Variants in UEVLD observed in about 807,000 individuals in gnomAD.
UEVLD encodes the protein ubiquitin-conjugating enzyme E2 variant 3.
In UEVLD, 47 loss-of-function variants were observed where a neutral mutation model predicts 58.6. The observed-to-expected ratio is 0.80, with a 90% CI of 0.63 to 1.02. The LOEUF is 1.02. Ranked by LOEUF, UEVLD falls within the 50% of genes least tolerant of loss-of-function variation. UEVLD has a pLI of 0.00. For synonymous variants in UEVLD, 197 were observed against 195.3 expected, an observed-to-expected ratio of 1.01 and a Z score of -0.07; for missense variants, 510 against 550.6, an observed-to-expected ratio of 0.93 and a Z score of 0.74.
intron 7 of UEVLD, among the ~76,000 whole-genome samples, chr11:18,557,690 C>T (rs1014070877): frequency 2.0e-5 from 3 of 151,386 alleles, no homozygotes; most frequent in African/African-American, 4.9e-5. Flanking sequence ...CAGCCTCCCA[C>T]GTAGCTGGGA....
intron 8 of UEVLD, among the ~76,000 whole-genome samples, chr11:18,545,950 T>C (rs1016170676): frequency 2.0e-5 from 3 of 152,218 alleles, no homozygotes; most frequent in African/African-American, 7.2e-5. Context: ...CAGTGTCGCA[T>C]TATGAATGAA....
intron 8 of UEVLD, among the ~76,000 whole-genome samples, chr11:18,545,074 A>ATATATATATATATTTT (rs1345787784): frequency 1.2e-5 from 1 of 84,572 alleles, no homozygotes. Flanking sequence ...CTATATCTAT[A>ATATATATATATATTTT]TTTTTTTTTT....
intron 1 of UEVLD, among the ~76,000 whole-genome samples, chr11:18,579,057 C>T (rs1853095206): frequency 6.6e-6 from 1 of 151,708 alleles, no homozygotes; most frequent in Non-Finnish European, 1.5e-5. Flanking sequence ...TTAGTAGAGG[C>T]AGGGTTTTGC....
At chr11:18,579,294 A>G (rs1853109714) in intron 1 of UEVLD, 1 of 219,118 alleles carries the variant, frequency 4.6e-6, no homozygotes, top group Non-Finnish European at 7.7e-6. Context: ...ACTGCTCTAT[A>G]GGAGCAGGAG....
chr11:18,548,912 C>T (rs1477150717), intron 7 of UEVLD, among the ~76,000 whole-genome samples: 1 of 152,144 alleles, frequency 6.6e-6, no homozygotes, highest in Non-Finnish European at 1.5e-5. Context: ...TTGTAGGATT[C>T]ACAGTAGATA....
intron 9 of UEVLD, among the ~76,000 whole-genome samples, chr11:18,544,294 G>A (rs1478028067): frequency 6.6e-6 from 1 of 152,150 alleles, no homozygotes; most frequent in Non-Finnish European, 1.5e-5. Flanking sequence ...GGCAATTTTG[G>A]TTGTAACTAA....
chr11:18,562,898 T>C (rs1852111726), intron 6 of UEVLD, among the ~76,000 whole-genome samples: 1 of 151,792 alleles, frequency 6.6e-6, no homozygotes. Flanking sequence ...AACTAAAAAT[T>C]ACCTAGGTGT....
intron 8 of UEVLD, among the ~76,000 whole-genome samples, chr11:18,545,974 T>C (rs1851289490): frequency 6.6e-6 from 1 of 152,188 alleles, no homozygotes; most frequent in Admixed American, 6.6e-5. Flanking sequence ...ACAACTACTT[T>C]TTTCTTACAT....
At chr11:18,534,868 C>A (rs1850722868) in intron 10 of UEVLD, among the ~76,000 whole-genome samples, 1 of 152,166 alleles carries the variant, frequency 6.6e-6, no homozygotes, top group African/African-American at 2.4e-5. Flanking sequence ...AACGTCTGAT[C>A]TAGAAATTCC....
At chr11:18,536,082 C>T (rs1158394316) in intron 10 of UEVLD, among the ~76,000 whole-genome samples, 1 of 152,126 alleles carries the variant, frequency 6.6e-6, no homozygotes, top group Non-Finnish European at 1.5e-5. Context: ...TGCAGTGAGC[C>T]GAGATCGCGC....
intron 9 of UEVLD, among the ~76,000 whole-genome samples, chr11:18,543,429 G>C (rs376498432): frequency 6.6e-6 from 1 of 152,066 alleles, no homozygotes; most frequent in Non-Finnish European, 1.5e-5. Context: ...ACTTAACTTC[G>C]TGCTTTTGCC....
rs1850509722 is a variant in UEVLD, at chr11:18,530,138, T to C, written c.*2182A>G. ...ATATTACATATTATCTAACTTTAATTAGATATCAAATATTAGAAAAGGCTA... is the reference window on the plus strand; with the variant it reads ...ATATTACATATTATCTAACTTTAATCAGATATCAAATATTAGAAAAGGCTA... On this transcript the variant is annotated 3_prime_UTR_variant, in exon 12 of 12. Coordinates refer to ENST00000396197, the MANE Select transcript of UEVLD (RefSeq NM_001040697.4). The C allele has an allele frequency of 6.6e-6, 1 of 152,218 alleles. No individual in the cohort carries two copies. Among genetic ancestry groups the C allele is most frequent in the Non-Finnish European group, 1.5e-5 (1 of 68,040 alleles). 9.4% of individuals were successfully genotyped at this position (152,218 alleles called of 1,614,324 possible). A position where few individuals can be genotyped will look rare whatever the true frequency, so the allele number is the denominator to read the frequency against.
At chr11:18,573,502 G>A (rs1852737463) in intron 3 of UEVLD, among the ~76,000 whole-genome samples, 1 of 152,178 alleles carries the variant, frequency 6.6e-6, no homozygotes, top group Admixed American at 6.5e-5. Flanking sequence ...CCAGGAAACA[G>A]TCTAAAAGCT....
chr11:18,584,643 G>GT (rs764575755), intron 1 of UEVLD, among the ~76,000 whole-genome samples: 1 of 151,936 alleles, frequency 6.6e-6, no homozygotes, highest in Non-Finnish European at 1.5e-5. Flanking sequence ...TGTTTGCTTT[G>GT]TTTTTTTGAG....
At chr11:18,532,769 G>A (rs758755827) in intron 11 of UEVLD, among the ~76,000 whole-genome samples, 5 of 152,120 alleles carry the variant, frequency 3.3e-5, no homozygotes, top group Non-Finnish European at 5.9e-5. Flanking sequence ...CCTGCAATAT[G>A]GGTAGGAGGT....
intron 9 of UEVLD, among the ~76,000 whole-genome samples, chr11:18,540,258 C>G (rs944559660): frequency 6.6e-6 from 1 of 152,144 alleles, no homozygotes; most frequent in Non-Finnish European, 1.5e-5. Flanking sequence ...TCTGGAAAAC[C>G]ACTACCTCCT....
At chr11:18,557,702 TAC>T (rs966650257) in intron 7 of UEVLD, among the ~76,000 whole-genome samples, 1 of 152,156 alleles carries the variant, frequency 6.6e-6, no homozygotes, top group Non-Finnish European at 1.5e-5. Context: ...TAGCTGGGAC[TAC>T]AGTCATGAGC....
intron 1 of UEVLD, among the ~76,000 whole-genome samples, chr11:18,579,962 T>C (rs1218317473): frequency 6.6e-6 from 1 of 151,392 alleles, no homozygotes; most frequent in East Asian, 1.9e-4. Context: ...GTTCACGGAC[T>C]TGAAGACTGT....
In UEVLD at chr11:18,564,888, A is replaced by G. The variant is rs1262886054; in HGVS notation, c.612+4T>C. 6.2e-7 allele frequency: 1 copy of G among 1,600,520 alleles called. No individual in the cohort carries two copies. Among genetic ancestry groups the G allele is most frequent in the African/African-American group, 1.3e-5 (1 of 74,574 alleles). ...ATGTATTTATAACCACTATGTTTAC[A>G]TACCTTTGCTGAAATTGCTAATGTG... On this transcript the variant is annotated splice_donor_region_variant and intron_variant, in intron 6 of 11. Transcript: ENST00000396197.
Sources: gnomAD v4.1 joint callset for allele counts (sites outside exome capture counted in the v4.1 genomes callset) on GRCh38, gnomAD v4.1.1 for gene constraint, MANE v1.5 for transcripts, NCBI Gene and HGNC (gene_info 2026-07-23, HGNC 2026-07-21) for gene names.